CACNA1B: variants seen among roughly 807,000 people sequenced by gnomAD.
The protein encoded by CACNA1B is calcium voltage-gated channel subunit alpha1 B, also known as voltage-dependent N-type calcium channel subunit alpha-1B.
Under a neutral mutation model 247.2 loss-of-function variants are expected in CACNA1B, and 70 were observed. The observed-to-expected ratio is 0.28, with a 90% CI of 0.23 to 0.35. The LOEUF (loss-of-function observed/expected upper bound fraction) is 0.35. Ranked by LOEUF, CACNA1B falls within the 10% of genes least tolerant of loss-of-function variation. The probability of loss-of-function intolerance (pLI) is 1.00; values close to 1 mark genes in which losing one functional copy is unlikely to be tolerated. For missense variants in CACNA1B, 2,367 were observed against 3,197.4 expected (o/e 0.74, Z 6.26); for synonymous variants, 1,231 against 1,294.4 (o/e 0.95, Z 1.05).
chr9:137,986,974 T>A lies in CACNA1B; in HGVS notation c.1974+120T>A. 1 of 811,314 alleles carries A rather than the reference T, an allele frequency of 1.2e-6. No homozygotes were observed. The highest frequency in any genetic ancestry group is 2.2e-6 in the Non-Finnish European group (1 of 464,416). 50.3% of individuals were successfully genotyped at this position (811,314 alleles called of 1,614,324 possible). A position where few individuals can be genotyped will look rare whatever the true frequency, so the allele number is the denominator to read the frequency against. On this transcript the variant is annotated intron_variant, in intron 15 of 46. Transcript: ENST00000371372. The surrounding 1 kb of genome is among the most constrained non-coding windows in gnomAD (Gnocchi z 6.0). ...CCTCCACACGGCCCAGATCACTGAC[T>A]TTTCAGACACAGTGTTCCTCAAACG...
intron 20 of CACNA1B, among the ~76,000 whole-genome samples, chr9:138,041,565 T>C (rs1959123010): frequency 6.6e-6 from 1 of 152,196 alleles, no homozygotes; most frequent in African/African-American, 2.4e-5. Flanking sequence ...CGTTCTTTCT[T>C]CTGCTTTGAC....
intron 6 of CACNA1B, among the ~76,000 whole-genome samples, chr9:137,922,606 C>T (rs911024113): frequency 1.3e-5 from 2 of 152,100 alleles, no homozygotes; most frequent in Non-Finnish European, 2.9e-5. Context: ...ATCAGGGTGG[C>T]AACCGCAGAT....
At chr9:137,978,931 G>A (rs896281350) in intron 12 of CACNA1B, among the ~76,000 whole-genome samples, 1 of 152,174 alleles carries the variant, frequency 6.6e-6, no homozygotes, top group Non-Finnish European at 1.5e-5. Context: ...GGAGACCTGT[G>A]ATTTCAGTAG....
At position 138,096,825 on chromosome 9, in the gene CACNA1B, C is replaced by T. The variant is rs183672762; in HGVS notation, c.5222+214C>T. 4.7e-4 allele frequency among the ~76,000 whole-genome samples: 69 copies of T among 146,788 alleles called. No homozygotes were observed. The East Asian group carries it at 0.013, about 27-fold the overall frequency. Reference sequence around the variant, plus strand: ...TCTCGTGTGCCTTCGCGCAGTGGCCCGGACTGCATAAAGTGATAAGGGTCT... The same window carrying T: ...TCTCGTGTGCCTTCGCGCAGTGGCCTGGACTGCATAAAGTGATAAGGGTCT... On this transcript the variant is annotated intron_variant, in intron 37 of 46. Transcript: ENST00000371372.
intron 40 of CACNA1B, 121 bp downstream of exon 40, chr9:138,112,626 C>T (rs1961681272): frequency 2.9e-6 from 2 of 678,166 alleles, no homozygotes; most frequent in Non-Finnish European, 5.4e-6. Context: ...GAGGTGGGCT[C>T]ACCTCCTCAT....
Position 138,012,125 on chromosome 9 carries a change from G to A in CACNA1B, c.2161-1004G>A, listed in dbSNP as rs912593044. 5.9e-5 allele frequency among the ~76,000 whole-genome samples: 9 copies of A among 152,364 alleles called. No individual in the cohort carries two copies. Among genetic ancestry groups the A allele is most frequent in the African/African-American group, 1.7e-4 (7 of 41,588 alleles). ...GCCCTGAGGGCAGGAGCCATGTGAA[G>A]TTCAGGGCCAGGCACTGCAAGTGGT... On this transcript the variant is annotated intron_variant, in intron 17 of 46. Transcript: ENST00000371372. This position sits in a 1 kb window ranked among gnomAD's most constrained non-coding sequence, Gnocchi z 4.2.
Position 137,919,477 on chromosome 9 carries a change from C to T in CACNA1B, c.966+2046C>T, listed in dbSNP as rs1478422683. Among the ~76,000 whole-genome samples the T allele has an allele frequency of 1.3e-5, 2 of 152,214 alleles. No homozygotes were observed. Among genetic ancestry groups the T allele is most frequent in the Non-Finnish European group, 2.9e-5 (2 of 68,032 alleles). On this transcript the variant is annotated intron_variant, in intron 6 of 46. Transcript: ENST00000371372. This position sits in a 1 kb window ranked among gnomAD's most constrained non-coding sequence, Gnocchi z 4.6. ...CCTGGGGCTGGCGCCACACAAGGCCCCAGAGCAGGTAGCCAAGAACCGACC... is the reference window on the plus strand; with the variant it reads ...CCTGGGGCTGGCGCCACACAAGGCCTCAGAGCAGGTAGCCAAGAACCGACC...
At chr9:138,042,310 T>C (rs936070106) in intron 20 of CACNA1B, among the ~76,000 whole-genome samples, 2 of 151,982 alleles carry the variant, frequency 1.3e-5, no homozygotes, top group Non-Finnish European at 2.9e-5. Context: ...ATTAGCTGGG[T>C]GTGTTGGCGT....
At chr9:138,043,432 C>T (rs1376375221) in intron 20 of CACNA1B, among the ~76,000 whole-genome samples, 1 of 152,168 alleles carries the variant, frequency 6.6e-6, no homozygotes, top group Non-Finnish European at 1.5e-5. Flanking sequence ...CCAGCAGAGG[C>T]AGTGGGAAGG....
chr9:138,097,802 T>C (rs1398260084), intron 37 of CACNA1B, among the ~76,000 whole-genome samples: 1 of 152,180 alleles, frequency 6.6e-6, no homozygotes, highest in Admixed American at 6.5e-5. Context: ...CCCACAGAGC[T>C]CCTGGGTTCT....
intron 12 of CACNA1B, among the ~76,000 whole-genome samples, chr9:137,983,702 T>C (rs189767154): frequency 6.6e-6 from 1 of 152,248 alleles, no homozygotes; most frequent in African/African-American, 2.4e-5. Flanking sequence ...CAGATTTTGC[T>C]AGTCTGTGAG....
rs909154210 is a variant in CACNA1B at position 138,020,983 on chromosome 9, C to T, written c.2268-2028C>T. On this transcript the variant is annotated intron_variant, in intron 18 of 46. Coordinates refer to ENST00000371372, the MANE Select transcript of CACNA1B (RefSeq NM_000718.4). The surrounding 1 kb of genome is among the most constrained non-coding windows in gnomAD (Gnocchi z 4.1). ...GGCTTCATCAGAGCGGGCCACCCTGCTGACCAAGTGGCTCAGAGCCCAGGC... is the reference window on the plus strand; with the variant it reads ...GGCTTCATCAGAGCGGGCCACCCTGTTGACCAAGTGGCTCAGAGCCCAGGC... Among the ~76,000 whole-genome samples, 1 of 152,230 alleles carries T rather than the reference C, an allele frequency of 6.6e-6. No homozygotes were observed. Among genetic ancestry groups the T allele is most frequent in the Non-Finnish European group, 1.5e-5 (1 of 68,032 alleles).
chr9:137,996,160 T>C (rs1029189281), intron 15 of CACNA1B, among the ~76,000 whole-genome samples: 18 of 152,220 alleles, frequency 1.2e-4, no homozygotes, highest in Non-Finnish European at 2.4e-4. Flanking sequence ...CTTCTAGATA[T>C]CTACTCAGAG....
Position 137,917,438 on chromosome 9 carries a change from G to A in CACNA1B, c.966+7G>A. On this transcript the variant is annotated splice_region_variant and intron_variant, in intron 6 of 46. Coordinates refer to ENST00000371372, the MANE Select transcript of CACNA1B (RefSeq NM_000718.4). This position sits in a 1 kb window ranked among gnomAD's most constrained non-coding sequence, Gnocchi z 5.5. Reference sequence around the variant, plus strand: ...GACTGACATCCTCTATAATGTGAGTGGCGTCTTGGCCCTGGGCCTGAGGGC... The same window carrying A: ...GACTGACATCCTCTATAATGTGAGTAGCGTCTTGGCCCTGGGCCTGAGGGC... 1.2e-6 allele frequency: 2 copies of A among 1,611,798 alleles called. No homozygotes were observed. Among genetic ancestry groups the A allele is most frequent in the South Asian group, 1.1e-5 (1 of 90,766 alleles).
chr9:138,062,656 C>A (rs1040807992), intron 31 of CACNA1B, among the ~76,000 whole-genome samples: 1 of 152,184 alleles, frequency 6.6e-6, no homozygotes. Context: ...GATGGCATGG[C>A]CTGCTCCCAA....
chr9:138,089,619 A>G (rs1171871836), intron 36 of CACNA1B, among the ~76,000 whole-genome samples: 1 of 152,212 alleles, frequency 6.6e-6, no homozygotes, highest in African/African-American at 2.4e-5. Context: ...ACTTTTATTC[A>G]ACATAGTACT....
rs112026850 is a variant in CACNA1B, at chr9:138,115,837, G to A, written c.5777+158G>A. 9.6e-3 allele frequency among the ~76,000 whole-genome samples: 1,462 copies of A among 152,272 alleles called. 6 individuals are homozygous for A. The highest frequency in any genetic ancestry group is 0.013 in the Non-Finnish European group (892 of 68,004). On this transcript the variant is annotated intron_variant, in intron 42 of 46. Transcript: ENST00000371372. ...CACCTGAGGGGCGTGTCTGCCATCC[G>A]ACCCTGCACTTGGGCCCTTAGCAAC... is the stretch of plus-strand genomic sequence containing the variant.
chr9:138,067,588 A>C (rs965713564), intron 31 of CACNA1B, among the ~76,000 whole-genome samples: 5 of 152,236 alleles, frequency 3.3e-5, no homozygotes, highest in African/African-American at 1.2e-4. Context: ...AATTCTAGCT[A>C]CTTGGGAGGC....
rs118078939 is a variant in CACNA1B at position 138,014,747 on chromosome 9, G to A, written c.2267+1512G>A. On this transcript the variant is annotated intron_variant, in intron 18 of 46. Coordinates refer to ENST00000371372, the MANE Select transcript of CACNA1B (RefSeq NM_000718.4). The surrounding 1 kb of genome is among the most constrained non-coding windows in gnomAD (Gnocchi z 6.2). ...CCTTCTCTGCTGTTCCTGGAGGCGA[G>A]CACTTGTCCCTTGACCCCTGCTGCC... Among the ~76,000 whole-genome samples the A allele has an allele frequency of 2.9e-4, 44 of 152,100 alleles. No homozygotes were observed. In the East Asian group the frequency reaches 8.0e-3, roughly 28 times the overall value.
Sources: gnomAD v4.1 joint callset for allele counts (sites outside exome capture counted in the v4.1 genomes callset) on GRCh38, gnomAD v4.1.1 for gene constraint, Gnocchi (gnomAD v3.1) non-coding constraint, MANE v1.5 for transcripts, NCBI Gene and HGNC (gene_info 2026-07-23, HGNC 2026-07-21) for gene names.